The following PPARG variants were observed in gnomAD, a reference collection of about 807,000 sequenced individuals.
The protein encoded by PPARG is peroxisome proliferator activated receptor gamma.
A neutral mutation model predicts 39.2 loss-of-function variants in PPARG; 17 were observed. The observed-to-expected ratio is 0.43, with a 90% confidence interval of 0.30 to 0.65. The LOEUF (loss-of-function observed/expected upper bound fraction) is 0.65, where lower values mean the gene tolerates loss of function less well. Among genes scored for constraint, PPARG ranks in the 30% least tolerant of loss-of-function variants. The pLI is 0.13. For synonymous variants in PPARG, 223 were observed against 215.7 expected (o/e 1.03, Z -0.30); for missense variants, 406 against 585.9 (o/e 0.69, Z 3.17).
intron 7 of PPARG, among the ~76,000 whole-genome samples, chr3:12,430,323 G>T (rs1180429753): frequency 1.3e-5 from 2 of 152,214 alleles, no homozygotes; most frequent in Non-Finnish European, 2.9e-5. Flanking sequence ...AATGCTTCCT[G>T]TGTTTCCACT....
intron 2 of PPARG, among the ~76,000 whole-genome samples, chr3:12,355,100 T>G (rs892362827): frequency 2.0e-5 from 3 of 152,174 alleles, no homozygotes; most frequent in African/African-American, 4.8e-5. Flanking sequence ...TACACTGAAG[T>G]AGAAGTCCAG....
chr3:12,337,357 C>T (rs1307872901), intron 2 of PPARG, among the ~76,000 whole-genome samples: 1 of 152,052 alleles, frequency 6.6e-6, no homozygotes, highest in East Asian at 1.9e-4. Context: ...CTGAGTAGAA[C>T]TTATGTGTTA....
intron 4 of PPARG, among the ~76,000 whole-genome samples, chr3:12,391,287 A>G (rs1418568788): frequency 6.6e-6 from 1 of 152,252 alleles, no homozygotes; most frequent in East Asian, 1.9e-4. Context: ...ATAATAAGTA[A>G]ATTCTGTGGT....
At chr3:12,392,369 C>T (rs955710879) in intron 4 of PPARG, among the ~76,000 whole-genome samples, 5 of 152,106 alleles carry the variant, frequency 3.3e-5, no homozygotes, top group Non-Finnish European at 7.4e-5. Context: ...CAATGAAAGC[C>T]GCAGCTGGAT....
intron 2 of PPARG, among the ~76,000 whole-genome samples, chr3:12,339,886 G>T (rs758254660): frequency 1.3e-5 from 2 of 152,128 alleles, no homozygotes; most frequent in Non-Finnish European, 2.9e-5. Flanking sequence ...GTGGCATATT[G>T]CTTGTCTGAC....
At chr3:12,356,207 G>A (rs1296787022) in intron 2 of PPARG, among the ~76,000 whole-genome samples, 1 of 152,182 alleles carries the variant, frequency 6.6e-6, no homozygotes, top group Non-Finnish European at 1.5e-5. Context: ...TTAAGTTTCT[G>A]TAAAGTTTTA....
chr3:12,352,886 A>C (rs1201182092), intron 2 of PPARG, among the ~76,000 whole-genome samples: 3 of 152,228 alleles, frequency 2.0e-5, no homozygotes, highest in South Asian at 2.1e-4. Context: ...TCTGCAAGCC[A>C]TAAAAATTGT....
At position 12,332,165 on chromosome 3, in the gene PPARG, T is replaced by C. The variant is rs184677537; in HGVS notation, c.-9+19712T>C. 2.4e-3 allele frequency among the ~76,000 whole-genome samples: 370 copies of C among 152,330 alleles called. 1 individual carries two copies. The highest frequency in any genetic ancestry group is 8.3e-3 in the African/African-American group (346 of 41,574). ...ACATTGTTCTTGGCAAAACTAAATT[T>C]AAATTTCTGCTTAACCTAATCAACC... is the stretch of plus-strand genomic sequence containing the variant. On this transcript the variant is annotated intron_variant, in intron 2 of 7. Coordinates refer to ENST00000651735, the MANE Select transcript of PPARG (RefSeq NM_138711.6).
In PPARG at chr3:12,401,577, C is replaced by T. The variant is rs550510248; in HGVS notation, c.530-4305C>T. ...ACGAAATAATAAAACTGGCTTTTTTCCCCCTTAAAAAAGGTATGCGTGCCT... is the reference window on the plus strand; with the variant it reads ...ACGAAATAATAAAACTGGCTTTTTTTCCCCTTAAAAAAGGTATGCGTGCCT... On this transcript the variant is annotated intron_variant, in intron 5 of 7. Coordinates refer to ENST00000651735, the MANE Select transcript of PPARG (RefSeq NM_138711.6). Among the ~76,000 whole-genome samples the T allele has an allele frequency of 1.1e-4, 16 of 150,368 alleles. No individual in the cohort carries two copies. The East Asian group carries it at 2.9e-3, about 27-fold the overall frequency.
At chr3:12,355,346 A>G (rs4135250) in intron 2 of PPARG, among the ~76,000 whole-genome samples, 20,343 of 152,114 alleles carry the variant, frequency 0.13, 1,427 homozygotes, top group African/African-American at 0.17. Flanking sequence ...ATGTTGTCCA[A>G]GCTGGTCTTG....
At chr3:12,294,236 A>G (rs2046721625) in intron 1 of PPARG, among the ~76,000 whole-genome samples, 1 of 152,198 alleles carries the variant, frequency 6.6e-6, no homozygotes. Context: ...GAAAAGATAT[A>G]TTTACCCATC....
At chr3:12,371,039 T>C (rs996769530) in intron 2 of PPARG, among the ~76,000 whole-genome samples, 4 of 152,170 alleles carry the variant, frequency 2.6e-5, no homozygotes, top group Non-Finnish European at 5.9e-5. Context: ...AGCCCACCTT[T>C]TATATGACTG....
intron 2 of PPARG, among the ~76,000 whole-genome samples, chr3:12,354,670 G>A (rs921336419): frequency 2.6e-5 from 4 of 151,210 alleles, no homozygotes; most frequent in Non-Finnish European, 4.4e-5. Context: ...GGAGAATGGC[G>A]TGAACCCAGG....
intron 1 of PPARG, among the ~76,000 whole-genome samples, chr3:12,306,769 A>G (rs1409934289): frequency 2.0e-5 from 3 of 152,136 alleles, no homozygotes; most frequent in Admixed American, 1.3e-4. Context: ...AGATCACCAA[A>G]TCTTTATATT....
intron 2 of PPARG, among the ~76,000 whole-genome samples, chr3:12,354,619 G>A (rs531471480): frequency 5.3e-5 from 8 of 151,966 alleles, no homozygotes; most frequent in African/African-American, 1.7e-4. Context: ...CAGGCGTGGT[G>A]GTGGGCGCCT....
At chr3:12,415,697 C>G (rs189813453) in intron 6 of PPARG, among the ~76,000 whole-genome samples, 136 of 152,246 alleles carry the variant, frequency 8.9e-4, no homozygotes, top group African/African-American at 3.2e-3. Flanking sequence ...TTTTTTGCAG[C>G]ATTCACCTGT....
At chr3:12,325,667 G>T (rs2047675662) in intron 2 of PPARG, among the ~76,000 whole-genome samples, 1 of 150,252 alleles carries the variant, frequency 6.7e-6, no homozygotes, top group African/African-American at 2.4e-5. Context: ...TCTCCACTTT[G>T]ATTTTTTTTT....
At chr3:12,372,049 G>T (rs1044223959) in intron 2 of PPARG, 3 of 718,464 alleles carry the variant, frequency 4.2e-6, no homozygotes, top group Non-Finnish European at 5.2e-6. Context: ...AAAAATCGGC[G>T]GTTAAGTGTC....
intron 5 of PPARG, among the ~76,000 whole-genome samples, chr3:12,401,184 G>C (rs578170540): frequency 6.6e-6 from 1 of 152,128 alleles, no homozygotes; most frequent in Non-Finnish European, 1.5e-5. Context: ...AACCTCCTTC[G>C]CTTTCCTCCT....
Sources: gnomAD v4.1 joint callset for allele counts (sites outside exome capture counted in the v4.1 genomes callset) on GRCh38, gnomAD v4.1.1 for gene constraint, MANE v1.5 for transcripts, NCBI Gene and HGNC (gene_info 2026-07-23, HGNC 2026-07-21) for gene names.